Variants in TERF1 observed in about 807,000 individuals in gnomAD.
TERF1 encodes telomeric repeat-binding factor 1.
TERF1 carries 20 observed loss-of-function variants against 55.1 expected under a neutral mutation model. The observed-to-expected ratio is 0.36, with a 90% CI of 0.26 to 0.53. The LOEUF (loss-of-function observed/expected upper bound fraction) is 0.53, where lower values mean the gene tolerates loss of function less well. Ranked by LOEUF, TERF1 falls within the 20% of genes least tolerant of loss-of-function variation. The pLI, the probability that TERF1 is intolerant of heterozygous loss-of-function variation, is 0.91. For missense variants in TERF1, 439 were observed against 535.7 expected (o/e 0.82, Z 1.78); for synonymous variants, 168 against 181.2 (o/e 0.93, Z 0.59).
chr8:73,034,475 T>G (rs1905078), intron 8 of TERF1, among the ~76,000 whole-genome samples: 102,864 of 152,032 alleles, frequency 0.68, 35,530 homozygotes, highest in Middle Eastern at 0.77. Flanking sequence ...ATGTTGCCCC[T>G]GCAGGTCTCT....
At chr8:73,030,150 C>T (rs1468661001) in intron 6 of TERF1, 186 bp from the exon 7 acceptor site, 2 of 403,990 alleles carry the variant, frequency 5.0e-6, no homozygotes, top group African/African-American at 2.1e-5. Flanking sequence ...TTTAATACCT[C>T]TTATAAGCAT....
intron 8 of TERF1, among the ~76,000 whole-genome samples, chr8:73,034,323 G>A (rs150313972): frequency 0.031 from 4,708 of 152,124 alleles, 104 homozygotes; most frequent in Middle Eastern, 0.065. Context: ...GTAGAGACGG[G>A]GTTTCGCCAT....
intron 9 of TERF1, among the ~76,000 whole-genome samples, chr8:73,041,586 G>A (rs1163139304): frequency 6.6e-6 from 1 of 152,124 alleles, no homozygotes; most frequent in Non-Finnish European, 1.5e-5. Flanking sequence ...GTTAGGTTCT[G>A]GTAAAACCTC....
At chr8:73,017,729 A>G (rs777553128) in intron 2 of TERF1, among the ~76,000 whole-genome samples, 1 of 147,670 alleles carries the variant, frequency 6.8e-6, no homozygotes, top group Non-Finnish European at 1.5e-5. Flanking sequence ...TTTGAGACAG[A>G]GTCTCACTCT....
chr8:73,012,823 T>C (rs1808339678), intron 1 of TERF1: 1 of 433,200 alleles, frequency 2.3e-6, no homozygotes, highest in Non-Finnish European at 4.7e-6. Context: ...ATTAGTTACT[T>C]ACATAACTTT....
At chr8:73,042,780 A>T (rs957005576) in intron 9 of TERF1, 4 of 152,146 alleles carry the variant, frequency 2.6e-5, no homozygotes, top group African/African-American at 9.7e-5. Context: ...GGAAAGAAAA[A>T]GATTGGTGTG....
chr8:73,028,150 A>G (rs978780424), intron 6 of TERF1, among the ~76,000 whole-genome samples: 1 of 152,180 alleles, frequency 6.6e-6, no homozygotes, highest in African/African-American at 2.4e-5. Context: ...TGCTCATGAT[A>G]ATATTGCTAA....
chr8:73,025,864 C>T (rs933012789), intron 5 of TERF1, among the ~76,000 whole-genome samples: 7 of 151,270 alleles, frequency 4.6e-5, no homozygotes, highest in Non-Finnish European at 8.8e-5. Context: ...CCACTGCACT[C>T]CAGCCTGGGT....
chr8:73,014,751 C>T (rs1349390714), intron 2 of TERF1, among the ~76,000 whole-genome samples: 1 of 152,186 alleles, frequency 6.6e-6, no homozygotes, highest in African/African-American at 2.4e-5. Flanking sequence ...TACATAAAAT[C>T]CCAGTGTATT....
intron 6 of TERF1, among the ~76,000 whole-genome samples, chr8:73,029,328 C>A (rs1809174824): frequency 1.3e-5 from 2 of 152,142 alleles, no homozygotes; most frequent in Admixed American, 1.3e-4. Flanking sequence ...AAGTGTCTTA[C>A]AAAAATGGTG....
chr8:73,047,505 G>C lies in TERF1; in HGVS notation c.*1368G>C, dbSNP rs964389514. On this transcript the variant is annotated 3_prime_UTR_variant, in exon 10 of 10. Transcript: ENST00000276603. ...CATACATACCTTACTAAACAATTTT[G>C]GTTTTTCACCAACATTTTATTCTTT... 19 of 151,990 alleles carry C rather than the reference G, an allele frequency of 1.3e-4. No individual in the cohort carries two copies. The highest frequency in any genetic ancestry group is 4.4e-4 in the African/African-American group (18 of 41,376). 9.4% of individuals were successfully genotyped at this position (151,990 alleles called of 1,614,324 possible).
At chr8:73,025,052 C>G in intron 5 of TERF1, 81 bp downstream of exon 5, 2 of 895,918 alleles carry the variant, frequency 2.2e-6, no homozygotes, top group South Asian at 5.4e-5. Flanking sequence ...AATAGAAATC[C>G]TTTAAAATTA....
intron 9 of TERF1, among the ~76,000 whole-genome samples, chr8:73,044,011 C>G (rs754184001): frequency 6.6e-6 from 1 of 152,072 alleles, no homozygotes; most frequent in Non-Finnish European, 1.5e-5. Flanking sequence ...CTGTGGAGTA[C>G]GTCTGTAAGA....
At chr8:73,041,258 T>A (rs894608567) in intron 9 of TERF1, among the ~76,000 whole-genome samples, 1 of 152,168 alleles carries the variant, frequency 6.6e-6, no homozygotes, top group Non-Finnish European at 1.5e-5. Flanking sequence ...GGAGTTACCG[T>A]TTGTAGCTGT....
chr8:73,009,020 T>C lies in TERF1; in HGVS notation c.134T>C (p.Leu45Pro), dbSNP rs894879967. ...GAGCAGTTCGAATGCCAGGAACTGC[T>C]CGAGTGCCAGGTGCAGGTGGGGGCC... The part of the protein sequence containing the change: ...DEEQFECQEL[L>P]ECQVQVGAPE... The change falls in exon 1 of 10, where the codon CTC (leucine) becomes CCC (proline). Residue 45 changes from leucine (L) to proline (P), a missense_variant. Around this residue, in one of 4 missense-constraint regions of TERF1, gnomAD observed 179 missense variants for 152.6 expected, o/e 1.17. Coordinates refer to ENST00000276603, the MANE Select transcript of TERF1 (RefSeq NM_017489.3). The C allele has an allele frequency of 1.9e-6, 3 of 1,611,236 alleles. No individual in the cohort carries two copies. Among genetic ancestry groups the C allele is most frequent in the Non-Finnish European group, 2.5e-6 (3 of 1,179,150 alleles).
At chr8:73,028,754 A>G (rs1809145136) in intron 6 of TERF1, among the ~76,000 whole-genome samples, 1 of 152,000 alleles carries the variant, frequency 6.6e-6, no homozygotes, top group African/African-American at 2.4e-5. Context: ...GAGATCACCT[A>G]TATGAAGTCT....
At chr8:73,043,968 A>C (rs976546200) in intron 9 of TERF1, among the ~76,000 whole-genome samples, 3 of 152,144 alleles carry the variant, frequency 2.0e-5, no homozygotes, top group African/African-American at 7.2e-5. Flanking sequence ...TGGCCCCCAA[A>C]TTTGTATATG....
At chr8:73,034,266 G>A (rs2129857629) in intron 8 of TERF1, among the ~76,000 whole-genome samples, 1 of 152,260 alleles carries the variant, frequency 6.6e-6, no homozygotes, top group East Asian at 1.9e-4. Context: ...TGAGTAGCTG[G>A]GATTACAGGA....
intron 8 of TERF1, among the ~76,000 whole-genome samples, chr8:73,037,555 G>A (rs1206272376): frequency 1.1e-5 from 1 of 93,650 alleles, no homozygotes; most frequent in African/African-American, 4.0e-5. Context: ...AAATATTCGG[G>A]GGGGAAAATA....
Sources: gnomAD v4.1 joint callset for allele counts (sites outside exome capture counted in the v4.1 genomes callset) on GRCh38, gnomAD v4.1.1 for gene constraint, gnomAD v4.1.1 regional missense constraint, MANE v1.5 for transcripts, NCBI Gene and HGNC (gene_info 2026-07-23, HGNC 2026-07-21) for gene names.